Variants in TPTE2 observed in about 807,000 individuals in gnomAD.
TPTE2 encodes the protein transmembrane phosphoinositide 3-phosphatase and tensin homolog 2.
A neutral mutation model predicts 78.6 loss-of-function variants in TPTE2; 53 were observed. The observed-to-expected ratio is 0.67, with a 90% CI of 0.54 to 0.85. TPTE2 has a LOEUF of 0.85. Among genes scored for constraint, TPTE2 ranks in the 40% least tolerant of loss-of-function variants. The pLI, the probability that TPTE2 is intolerant of heterozygous loss-of-function variation, is 0.00. For missense variants in TPTE2, 461 were observed against 623.0 expected, an observed-to-expected ratio of 0.74 and a Z score of 2.77; for synonymous variants, 175 against 206.2, an observed-to-expected ratio of 0.85 and a Z score of 1.30.
chr13:19,482,415 G>C, intron 4 of TPTE2, 73 bp downstream of exon 7: 1 of 1,550,048 alleles, frequency 6.5e-7, no homozygotes, highest in Non-Finnish European at 8.7e-7. Flanking sequence ...TCTTGCCTTA[G>C]CGGAAGCCCT....
chr13:19,424,615 G>A (rs1346523361), intron 19 of TPTE2, among the ~76,000 whole-genome samples: 1 of 152,116 alleles, frequency 6.6e-6, no homozygotes, highest in Non-Finnish European at 1.5e-5. Context: ...TACTGACAGG[G>A]ACCTGACATA....
At chr13:19,534,676 C>T (rs1247120647) in intron 1 of TPTE2, among the ~76,000 whole-genome samples, 1 of 152,082 alleles carries the variant, frequency 6.6e-6, no homozygotes, top group Non-Finnish European at 1.5e-5. Context: ...TTGCTTAGTC[C>T]TTGAATTAAT....
intron 5 of TPTE2, among the ~76,000 whole-genome samples, chr13:19,474,850 TAGAGA>T (rs1368073735): frequency 1.3e-5 from 2 of 152,262 alleles, no homozygotes; most frequent in African/African-American, 4.8e-5. Context: ...TACTCTTATG[TAGAGA>T]AGAGTCTAAG....
chr13:19,448,453 A>C (rs71433580), intron 13 of TPTE2, among the ~76,000 whole-genome samples: 1 of 152,222 alleles, frequency 6.6e-6, no homozygotes, highest in Non-Finnish European at 1.5e-5. Flanking sequence ...ATTTTTTAAA[A>C]AAAGAACTCA....
At chr13:19,497,234 A>C (rs2932153) in intron 1 of TPTE2, among the ~76,000 whole-genome samples, 118,427 of 129,326 alleles carry the variant, frequency 0.92, 54,330 homozygotes, top group East Asian at 0.97. Context: ...GGGGCGCCCG[A>C]CATTGCCCAG....
the TPTE2 span, chr13:19,560,527 G>C: frequency 6.3e-7 from 1 of 1,585,546 alleles, no homozygotes; most frequent in Non-Finnish European, 8.6e-7. Flanking sequence ...GTCAGACAGC[G>C]ACAGCGATGA....
intron 1 of TPTE2, among the ~76,000 whole-genome samples, chr13:19,534,693 T>G (rs903433930): frequency 6.6e-6 from 1 of 152,194 alleles, no homozygotes; most frequent in Non-Finnish European, 1.5e-5. Flanking sequence ...TAATGTATTT[T>G]ATAAAGCAGG....
At chr13:19,502,473 A>G (rs1868661213) in intron 1 of TPTE2, among the ~76,000 whole-genome samples, 1 of 151,312 alleles carries the variant, frequency 6.6e-6, no homozygotes, top group Admixed American at 6.6e-5. Flanking sequence ...CAGCCATAAA[A>G]AATGATGAGT....
chr13:19,528,145 G>C (rs1191105616), intron 1 of TPTE2, among the ~76,000 whole-genome samples: 5 of 152,090 alleles, frequency 3.3e-5, no homozygotes, highest in Admixed American at 2.6e-4. Flanking sequence ...ACTTTGGGAG[G>C]CTGAGGCAGG....
chr13:19,488,627 A>C (rs1880800519), intron 3 of TPTE2, among the ~76,000 whole-genome samples: 2 of 151,938 alleles, frequency 1.3e-5, no homozygotes, highest in Non-Finnish European at 2.9e-5. Flanking sequence ...CAGCTTCCTT[A>C]CCTCTCCCAG....
At chr13:19,531,935 A>T (rs2137747429) in intron 1 of TPTE2, among the ~76,000 whole-genome samples, 1 of 152,168 alleles carries the variant, frequency 6.6e-6, no homozygotes, top group South Asian at 2.1e-4. Context: ...TCAAAAAAAG[A>T]AAAAAAAGTA....
the TPTE2 span, among the ~76,000 whole-genome samples, chr13:19,542,231 T>G: frequency 6.6e-6 from 1 of 152,184 alleles, no homozygotes. Flanking sequence ...CATAGCTCAC[T>G]GCAGCCTCCA....
chr13:19,548,641 T>C, the TPTE2 span, among the ~76,000 whole-genome samples: 43 of 151,298 alleles, frequency 2.8e-4, no homozygotes, highest in African/African-American at 1.0e-3. Flanking sequence ...ATATCAAAAA[T>C]AGCCTTAGAC....
chr13:19,542,243 T>G, the TPTE2 span, among the ~76,000 whole-genome samples: 1 of 152,090 alleles, frequency 6.6e-6, no homozygotes, highest in African/African-American at 2.4e-5. Context: ...CAGCCTCCAA[T>G]TCCTGGGCTT....
At chr13:19,558,078 G>C in the TPTE2 span, among the ~76,000 whole-genome samples, 1 of 152,092 alleles carries the variant, frequency 6.6e-6, no homozygotes, top group African/African-American at 2.4e-5. Context: ...ATTGGTCCAA[G>C]ATTTCTGTTT....
chr13:19,489,256 G>A (rs1880838326), intron 3 of TPTE2, among the ~76,000 whole-genome samples: 1 of 152,108 alleles, frequency 6.6e-6, no homozygotes. Flanking sequence ...AAATGTGACA[G>A]AGACACAAGG....
chr13:19,464,231 C>T (rs557654438), intron 10 of TPTE2, among the ~76,000 whole-genome samples: 2 of 152,298 alleles, frequency 1.3e-5, no homozygotes, highest in East Asian at 3.9e-4. Context: ...ATTCACAAAC[C>T]ACAGTATCAT....
At chr13:19,561,064 G>A in the TPTE2 span, 3 of 1,583,872 alleles carry the variant, frequency 1.9e-6, no homozygotes, top group Admixed American at 1.8e-5. Flanking sequence ...GCTTCCCACC[G>A]CCCTGCTCGC....
At chr13:19,477,017 A>G (rs1296837038) in intron 4 of TPTE2, among the ~76,000 whole-genome samples, 2 of 152,172 alleles carry the variant, frequency 1.3e-5, no homozygotes, top group Non-Finnish European at 1.5e-5. Flanking sequence ...TATACCATGG[A>G]ATACTATGCA....
Sources: gnomAD v4.1 joint callset for allele counts (sites outside exome capture counted in the v4.1 genomes callset) on GRCh38, gnomAD v4.1.1 for gene constraint, MANE v1.5 for transcripts, NCBI Gene and HGNC (gene_info 2026-07-23, HGNC 2026-07-21) for gene names.